ZFR2: variants seen among roughly 807,000 people sequenced by gnomAD.
ZFR2 encodes zinc finger RNA-binding protein 2.
Under a neutral mutation model 105.7 loss-of-function variants are expected in ZFR2, and 104 were observed. That is an observed-to-expected ratio of 0.98 (90% CI 0.84 to 1.16). The LOEUF is 1.16. Ranked by LOEUF, ZFR2 falls within the 50% of genes most tolerant of loss-of-function variation. The pLI, the probability that ZFR2 is intolerant of heterozygous loss-of-function variation, is 0.00. For synonymous variants in ZFR2, 634 were observed against 597.7 expected, an observed-to-expected ratio of 1.06 and a Z score of -0.89; for missense variants, 1,425 against 1,355.5, an observed-to-expected ratio of 1.05 and a Z score of -0.80.
At chr19:3,867,994 C>A (rs1364735624) in intron 1 of ZFR2, among the ~76,000 whole-genome samples, 1 of 151,888 alleles carries the variant, frequency 6.6e-6, no homozygotes, top group African/African-American at 2.4e-5. Flanking sequence ...GTTGCTGCCC[C>A]CTGCCCAGTC....
At chr19:3,868,279 T>C (rs2038457343) in intron 1 of ZFR2, among the ~76,000 whole-genome samples, 1 of 149,296 alleles carries the variant, frequency 6.7e-6, no homozygotes, top group Non-Finnish European at 1.5e-5. Context: ...CTGATCTCTG[T>C]TTTCTCCTCC....
chr19:3,820,226 G>A lies in ZFR2; in HGVS notation c.1696C>T (p.Leu566=). The A allele has an allele frequency of 1.3e-6, 2 of 1,551,994 alleles. No homozygotes were observed. The highest frequency in any genetic ancestry group is 1.7e-6 in the Non-Finnish European group (2 of 1,147,766). Residue 566 remains leucine (L), a synonymous_variant, in exon 11 of 19, where the codon CTG becomes TTG. Coordinates refer to ENST00000262961, the MANE Select transcript of ZFR2 (RefSeq NM_015174.2). The part of the protein sequence containing the change: ...PHAPPDWAQP[L]LMGRPESPAS... The stretch of plus-strand genomic sequence containing the variant: ...GGTGACTCCGGCCTGCCCATGAGCA[G>A]AGGCTGGGCCCAGTCGGGCGGCGCG...
rs1033692202 is a variant in ZFR2, at chr19:3,855,520, G to A, written c.53+13445C>T. On this transcript the variant is annotated intron_variant, in intron 1 of 18. Transcript: ENST00000262961. Reference sequence around the variant, plus strand: ...CTGTCATGGGCGCTGTCACAGCAGCGGGGAATAACCAGACCAAAGTCCCGT... The same window carrying A: ...CTGTCATGGGCGCTGTCACAGCAGCAGGGAATAACCAGACCAAAGTCCCGT... 2.1e-5 allele frequency: 24 copies of A among 1,131,154 alleles called. No homozygotes were observed. The Admixed American group carries it at 7.6e-4, about 36-fold the overall frequency. The allele number at this position is 1,131,154 out of a possible 1,614,324, so 70.1% of individuals were successfully genotyped here.
chr19:3,848,614 G>A (rs983483510), intron 1 of ZFR2, among the ~76,000 whole-genome samples: 1 of 152,226 alleles, frequency 6.6e-6, no homozygotes, highest in East Asian at 1.9e-4. Context: ...GGCTGAGGCA[G>A]GAGGATTTCT....
intron 12 of ZFR2, among the ~76,000 whole-genome samples, chr19:3,818,101 C>T (rs750300238): frequency 1.3e-5 from 2 of 152,376 alleles, no homozygotes; most frequent in South Asian, 4.1e-4. Flanking sequence ...CACGTGTGAA[C>T]GTGCTTCATG....
chr19:3,838,384 C>G lies in ZFR2; in HGVS notation c.54-3401G>C, dbSNP rs1242782574. On this transcript the variant is annotated intron_variant, in intron 1 of 18. Coordinates refer to ENST00000262961, the MANE Select transcript of ZFR2 (RefSeq NM_015174.2). This position sits in a 1 kb window ranked among gnomAD's most constrained non-coding sequence, Gnocchi z 4.9. Reference sequence around the variant, plus strand: ...AACAGAACTACAGAGTGAGTGCTATCCAGGCTGCACTGAGCACCGACCGAT... The same window carrying G: ...AACAGAACTACAGAGTGAGTGCTATGCAGGCTGCACTGAGCACCGACCGAT... 6.6e-6 allele frequency among the ~76,000 whole-genome samples: 1 copy of G among 152,160 alleles called. No individual in the cohort carries two copies. Among genetic ancestry groups the G allele is most frequent in the Admixed American group, 6.6e-5 (1 of 15,260 alleles).
At chr19:3,810,900 T>C in intron 15 of ZFR2, 55 bp from the exon 16 acceptor site, 3 of 1,533,744 alleles carry the variant, frequency 2.0e-6, no homozygotes, top group South Asian at 1.2e-5. Context: ...CCACACGGCA[T>C]GGCGCCGGGC....
rs549105657 is a variant in ZFR2, at chr19:3,861,421, G to C, written c.53+7544C>G. On this transcript the variant is annotated intron_variant, in intron 1 of 18. Coordinates refer to ENST00000262961, the MANE Select transcript of ZFR2 (RefSeq NM_015174.2). ...GCAGGTGGATCACTTAAGCTCAGGAGTTTGAGACCAGCCTGGCCGATGGCA... is the reference window on the plus strand; with the variant it reads ...GCAGGTGGATCACTTAAGCTCAGGACTTTGAGACCAGCCTGGCCGATGGCA... Among the ~76,000 whole-genome samples, 273 of 151,974 alleles carry C rather than the reference G, an allele frequency of 1.8e-3. 1 individual carries two copies. Among genetic ancestry groups the C allele is most frequent in the Non-Finnish European group, 2.4e-3 (163 of 67,990 alleles).
intron 10 of ZFR2, among the ~76,000 whole-genome samples, chr19:3,820,848 C>T (rs144919761): frequency 0.17 from 5,290 of 31,846 alleles, 246 homozygotes; most frequent in Middle Eastern, 0.28. Context: ...ACAGGGACAC[C>T]GGGGGTCGGG....
At position 3,805,923 on chromosome 19, in the gene ZFR2, G is replaced by T. The variant is rs1431259678; in HGVS notation, c.*26C>A. On this transcript the variant is annotated 3_prime_UTR_variant, in exon 19 of 19. Coordinates refer to ENST00000262961, the MANE Select transcript of ZFR2 (RefSeq NM_015174.2). ...CGTCCAGGAGTGCAGGGATGCAAAG[G>T]CCCGCAGGTGGGGGAGGTAGGCGGC... The T allele has an allele frequency of 1.3e-6, 2 of 1,512,168 alleles. No individual in the cohort carries two copies. Among genetic ancestry groups the T allele is most frequent in the Non-Finnish European group, 1.8e-6 (2 of 1,134,482 alleles). 93.7% of individuals were successfully genotyped at this position (1,512,168 alleles called of 1,614,324 possible). A position where few individuals can be genotyped will look rare whatever the true frequency, so the allele number is the denominator to read the frequency against.
chr19:3,863,234 G>T (rs956374862), intron 1 of ZFR2, among the ~76,000 whole-genome samples: 6 of 152,174 alleles, frequency 3.9e-5, no homozygotes, highest in Non-Finnish European at 7.4e-5. Context: ...TCCCATCAGG[G>T]GTATTAACAG....
At chr19:3,863,213 C>T (rs1350651235) in intron 1 of ZFR2, among the ~76,000 whole-genome samples, 1 of 152,190 alleles carries the variant, frequency 6.6e-6, no homozygotes, top group African/African-American at 2.4e-5. Context: ...CCACACCTGG[C>T]AGGCAGGGGC....
chr19:3,828,578 G>T (rs914094308), intron 5 of ZFR2, among the ~76,000 whole-genome samples: 1 of 152,156 alleles, frequency 6.6e-6, no homozygotes, highest in Non-Finnish European at 1.5e-5. Context: ...GGCTCCACCC[G>T]GGGGAAGCCA....
intron 1 of ZFR2, among the ~76,000 whole-genome samples, chr19:3,843,229 G>A (rs993199842): frequency 6.6e-6 from 1 of 152,142 alleles, no homozygotes; most frequent in Admixed American, 6.5e-5. Context: ...CCAGCACTTC[G>A]GGTGGCCGAG....
chr19:3,842,157 C>A (rs1182519592), intron 1 of ZFR2, among the ~76,000 whole-genome samples: 1 of 151,872 alleles, frequency 6.6e-6, no homozygotes, highest in Non-Finnish European at 1.5e-5. Context: ...GGACTACAGG[C>A]GTGCACCACC....
chr19:3,821,963 C>T, intron 9 of ZFR2, 118 bp downstream of exon 9: 1 of 1,406,074 alleles, frequency 7.1e-7, no homozygotes, highest in Non-Finnish European at 9.4e-7. Flanking sequence ...AAAATCACCC[C>T]TCCCTCTTAA....
chr19:3,811,588 G>A (rs900778632), intron 14 of ZFR2, among the ~76,000 whole-genome samples: 1 of 151,638 alleles, frequency 6.6e-6, no homozygotes, highest in African/African-American at 2.4e-5. Flanking sequence ...CCAAGTAGCT[G>A]GGATTACAGG....
chr19:3,816,847 TGTGGGGACAAAG>T lies in ZFR2; in HGVS notation c.1932-14_1932-3del, dbSNP rs2037830268. Reference sequence around the variant, plus strand: ...ACCCGAGTCTGGGGGGCAACGCTGCTGTGGGGACAAAGCCACAGACGTGCGCCATCAGCGGAG... The same window carrying T: ...ACCCGAGTCTGGGGGGCAACGCTGCTCCACAGACGTGCGCCATCAGCGGAG... On this transcript the variant is annotated splice_polypyrimidine_tract_variant and splice_region_variant and intron_variant, in intron 12 of 18. Coordinates refer to ENST00000262961, the MANE Select transcript of ZFR2 (RefSeq NM_015174.2). The T allele has an allele frequency of 6.4e-7, 1 of 1,555,912 alleles. No individual in the cohort carries two copies. Among genetic ancestry groups the T allele is most frequent in the Non-Finnish European group, 8.7e-7 (1 of 1,150,352 alleles).
Position 3,834,987 on chromosome 19 carries a change from G to C in ZFR2, c.54-4C>G, listed in dbSNP as rs1468586287. The C allele has an allele frequency of 1.2e-6, 2 of 1,606,586 alleles. No individual in the cohort carries two copies. The highest frequency in any genetic ancestry group is 1.7e-6 in the Non-Finnish European group (2 of 1,177,776). Reference sequence around the variant, plus strand: ...GGGAAGGGTCGGAGGCTGGGCGCTAGAACCACAAACACACACCAAAGCCCC... The same window carrying C: ...GGGAAGGGTCGGAGGCTGGGCGCTACAACCACAAACACACACCAAAGCCCC... On this transcript the variant is annotated splice_region_variant and splice_polypyrimidine_tract_variant and intron_variant, in intron 1 of 18. Transcript: ENST00000262961. This position sits in a 1 kb window ranked among gnomAD's most constrained non-coding sequence, Gnocchi z 5.3.
Sources: allele counts gnomAD v4.1 joint callset (sites outside exome capture counted in the v4.1 genomes callset), GRCh38; gene constraint gnomAD v4.1.1; non-coding constraint Gnocchi (gnomAD v3.1); transcripts MANE v1.5; gene names NCBI Gene and HGNC (gene_info 2026-07-23, HGNC 2026-07-21).